Variants in PCDHGA3 observed in about 807,000 individuals in gnomAD.
The protein encoded by PCDHGA3 is protocadherin gamma subfamily A, 3.
In PCDHGA3, 40 loss-of-function variants were observed where a neutral mutation model predicts 58.5. The observed-to-expected ratio is 0.68, with a 90% confidence interval of 0.53 to 0.89. PCDHGA3 has a LOEUF of 0.89. Ranked by LOEUF, PCDHGA3 falls within the 40% of genes least tolerant of loss-of-function variation. PCDHGA3 has a pLI of 0.00. For missense variants in PCDHGA3, 1,223 were observed against 1,195.9 expected, an observed-to-expected ratio of 1.02 and a Z score of -0.33; for synonymous variants, 530 against 525.7, an observed-to-expected ratio of 1.01 and a Z score of -0.11.
chr5:141,381,826 C>CTTCTTTTTTTTTTTTT (rs1777532522), intron 1 of PCDHGA3, among the ~76,000 whole-genome samples: 2 of 74,284 alleles, frequency 2.7e-5, no homozygotes, highest in African/African-American at 6.2e-5. Context: ...CTTTCTTCTT[C>CTTCTTTTTTTTTTTTT]TTTTTTTTTT....
At chr5:141,351,478 A>C in intron 1 of PCDHGA3, 2 of 1,613,924 alleles carry the variant, frequency 1.2e-6, no homozygotes, top group Non-Finnish European at 1.7e-6. Context: ...CTGGAGCCCT[A>C]AACCGGGAGC....
At chr5:141,463,108 T>G (rs1212278355) in intron 1 of PCDHGA3, among the ~76,000 whole-genome samples, 1 of 152,202 alleles carries the variant, frequency 6.6e-6, no homozygotes, top group Non-Finnish European at 1.5e-5. Flanking sequence ...CATCAAGAAT[T>G]CAGCTAATAG....
rs562057533 is a variant in PCDHGA3, at chr5:141,365,545, A to T, written c.2424+19088A>T. 16 of 1,613,796 alleles carry T rather than the reference A, an allele frequency of 9.9e-6. No homozygotes were observed. In the South Asian group the frequency reaches 1.4e-4, roughly 14 times the overall value. ...CAGTTGATAATTACTATCACCTATT[A>T]ACAACTAGGGACCTGGACAGAGAAG... On this transcript the variant is annotated intron_variant, in intron 1 of 3. Coordinates refer to ENST00000253812, the MANE Select transcript of PCDHGA3 (RefSeq NM_018916.4).
intron 1 of PCDHGA3, chr5:141,385,035 G>C: frequency 6.2e-7 from 1 of 1,614,164 alleles, no homozygotes; most frequent in East Asian, 2.2e-5. Context: ...TCGTACTGCT[G>C]GCGCTCAGGC....
intron 1 of PCDHGA3, among the ~76,000 whole-genome samples, chr5:141,468,777 A>T (rs2099178581): frequency 6.7e-6 from 1 of 150,364 alleles, no homozygotes; most frequent in Non-Finnish European, 1.5e-5. Flanking sequence ...GAGGCAGGAG[A>T]ATGGCGTGAA....
intron 1 of PCDHGA3, chr5:141,351,527 A>C: frequency 1.2e-6 from 2 of 1,614,026 alleles, no homozygotes; most frequent in Non-Finnish European, 1.7e-6. Context: ...AGCCACCGAC[A>C]AGGGCAAACC....
chr5:141,410,623 G>T, intron 1 of PCDHGA3: 2 of 1,603,052 alleles, frequency 1.2e-6, no homozygotes, highest in Non-Finnish European at 1.7e-6. Context: ...TGACTTCGGT[G>T]AGTTTCTCTT....
At chr5:141,350,464 A>C (rs1169518481) in intron 1 of PCDHGA3, 1 of 1,613,988 alleles carries the variant, frequency 6.2e-7, no homozygotes, top group South Asian at 1.1e-5. Flanking sequence ...GGGTTAGTGC[A>C]GAGGATTATT....
At chr5:141,499,557 C>G (rs972965979) in intron 2 of PCDHGA3, among the ~76,000 whole-genome samples, 1 of 152,192 alleles carries the variant, frequency 6.6e-6, no homozygotes, top group African/African-American at 2.4e-5. Context: ...TATGATACCA[C>G]TATCCAGCTT....
At chr5:141,371,101 A>T (rs766194298) in intron 1 of PCDHGA3, 2 of 1,613,794 alleles carry the variant, frequency 1.2e-6, no homozygotes, top group South Asian at 1.1e-5. Context: ...GCAGATGCAA[A>T]TGATAACCCC....
intron 1 of PCDHGA3, chr5:141,421,488 G>C: frequency 3.1e-6 from 5 of 1,614,100 alleles, no homozygotes; most frequent in Non-Finnish European, 4.2e-6. Flanking sequence ...GCTTGATCAC[G>C]GCAGGCAGGA....
rs770357830 is a variant in PCDHGA3 at position 141,392,977 on chromosome 5, A to G, written c.2424+46520A>G. On this transcript the variant is annotated intron_variant, in intron 1 of 3. Coordinates refer to ENST00000253812, the MANE Select transcript of PCDHGA3 (RefSeq NM_018916.4). ...AATATCTCCAAGGACCTGGGGCTGG[A>G]CCCCCGGAAGCTGGCGAAGCACGGA... 1.9e-6 allele frequency: 3 copies of G among 1,613,560 alleles called. No homozygotes were observed. The highest frequency in any genetic ancestry group is 4.5e-5 in the East Asian group (2 of 44,876).
chr5:141,364,258 C>G, intron 1 of PCDHGA3: 1 of 1,497,150 alleles, frequency 6.7e-7, no homozygotes, highest in East Asian at 2.3e-5. Flanking sequence ...GAATATGTAC[C>G]CATCGGCTTT....
intron 1 of PCDHGA3, chr5:141,399,534 A>G (rs772655467): frequency 3.7e-6 from 6 of 1,614,030 alleles, no homozygotes; most frequent in Middle Eastern, 1.6e-4. Flanking sequence ...CCATCGCGCA[A>G]GTCTGCGCCT....
intron 1 of PCDHGA3, chr5:141,409,361 G>A (rs754448763): frequency 6.2e-7 from 1 of 1,613,964 alleles, no homozygotes; most frequent in Non-Finnish European, 8.5e-7. Flanking sequence ...GTGTAATATA[G>A]AAACAGACAT....
chr5:141,419,389 G>C (rs551951411), intron 1 of PCDHGA3: 1 of 1,613,670 alleles, frequency 6.2e-7, no homozygotes, highest in South Asian at 1.1e-5. Context: ...TGAGCGCGCA[G>C]AGCGGGGTGG....
intron 1 of PCDHGA3, chr5:141,409,665 CCTACT>C (rs753951498): frequency 6.2e-7 from 1 of 1,613,576 alleles, no homozygotes; most frequent in Admixed American, 1.7e-5. Context: ...GGCCACATCT[CCTACT>C]CTATAGTGGC....
intron 1 of PCDHGA3, chr5:141,394,111 C>T: frequency 1.9e-6 from 3 of 1,613,936 alleles, no homozygotes; most frequent in African/African-American, 2.7e-5. Flanking sequence ...CCACCTCTGT[C>T]CACTGAAACT....
chr5:141,433,222 A>G, intron 1 of PCDHGA3: 6 of 1,519,556 alleles, frequency 3.9e-6, no homozygotes, highest in Non-Finnish European at 5.4e-6. Flanking sequence ...TTTTTTTTTA[A>G]TTGCTCTGTC....
Sources: allele counts gnomAD v4.1 joint callset (sites outside exome capture counted in the v4.1 genomes callset), GRCh38; gene constraint gnomAD v4.1.1; transcripts MANE v1.5; gene names NCBI Gene and HGNC (gene_info 2026-07-23, HGNC 2026-07-21).